Variants in MTHFD1L observed in about 807,000 individuals in gnomAD.
The protein encoded by MTHFD1L is monofunctional C1-tetrahydrofolate synthase, mitochondrial.
In MTHFD1L, 81 loss-of-function variants were observed where a neutral mutation model predicts 119.5. The ratio of observed to expected loss-of-function variants is 0.68; its 90% CI spans 0.57 to 0.82. MTHFD1L has a LOEUF of 0.82. Among genes scored for constraint, MTHFD1L ranks in the 40% least tolerant of loss-of-function variants. MTHFD1L has a pLI of 0.00. For missense variants in MTHFD1L, 1,125 were observed against 1,253.4 expected (o/e 0.90, Z 1.55); for synonymous variants, 430 against 475.2 (o/e 0.90, Z 1.24).
intron 10 of MTHFD1L, among the ~76,000 whole-genome samples, chr6:150,925,161 G>T (rs141326221): frequency 1.3e-5 from 2 of 152,178 alleles, no homozygotes; most frequent in Non-Finnish European, 2.9e-5. Flanking sequence ...TCTGCCCACC[G>T]CAAGGAGGCA....
chr6:150,975,793 A>G (rs942697493), intron 20 of MTHFD1L, among the ~76,000 whole-genome samples: 3 of 152,080 alleles, frequency 2.0e-5, no homozygotes, highest in East Asian at 1.9e-4. Context: ...ACGTCCTCAC[A>G]CTTTTGGCAG....
chr6:151,043,329 A>G (rs1470597053), intron 26 of MTHFD1L, among the ~76,000 whole-genome samples: 1 of 125,034 alleles, frequency 8.0e-6, no homozygotes, highest in Non-Finnish European at 1.6e-5. Context: ...CAGTAGCATG[A>G]TCTCGGCTCA....
Position 150,936,891 on chromosome 6 carries a change from C to G in MTHFD1L, c.1344C>G (p.Ser448=). The G allele has an allele frequency of 6.2e-7, 1 of 1,614,194 alleles. No homozygotes were observed. Among genetic ancestry groups the G allele is most frequent in the Non-Finnish European group, 8.5e-7 (1 of 1,180,036 alleles). The change falls in exon 12 of 28, where the codon TCC becomes TCG. Residue 448 remains serine (S), a synonymous_variant. Transcript: ENST00000367321. ...TGACCGCACACCTGAATGTCAACTC[C>G]TTTGCCTGCTTGAGGCAGCCTTCCC... ...QALTAHLNVN[S]FACLRQPSQG... is the part of the protein sequence containing the mutation.
chr6:150,971,577 C>T (rs1258001735), intron 19 of MTHFD1L, among the ~76,000 whole-genome samples: 1 of 151,866 alleles, frequency 6.6e-6, no homozygotes, highest in Non-Finnish European at 1.5e-5. Flanking sequence ...CCTTTTATAC[C>T]ATCAGGGTTT....
intron 4 of MTHFD1L, among the ~76,000 whole-genome samples, chr6:150,879,243 G>T (rs1421660242): frequency 1.3e-5 from 2 of 152,174 alleles, no homozygotes; most frequent in Non-Finnish European, 2.9e-5. Context: ...GCATGCAAAG[G>T]AAGTTGTTGT....
chr6:150,915,074 A>G (rs1787624858), intron 8 of MTHFD1L, among the ~76,000 whole-genome samples: 1 of 152,194 alleles, frequency 6.6e-6, no homozygotes. Flanking sequence ...GACACTTTCA[A>G]AGAGTTTGTT....
chr6:151,044,226 A>C (rs1238564696), intron 26 of MTHFD1L, among the ~76,000 whole-genome samples: 3 of 151,608 alleles, frequency 2.0e-5, no homozygotes, highest in Non-Finnish European at 2.9e-5. Flanking sequence ...GTCTTCCTGT[A>C]ACTCCTTCAC....
intron 27 of MTHFD1L, chr6:151,099,830 A>G (rs1052687353): frequency 5.6e-6 from 9 of 1,601,490 alleles, no homozygotes; most frequent in African/African-American, 2.7e-5. Flanking sequence ...ATCGCTCACA[A>G]TGTTTCCTCC....
intron 7 of MTHFD1L, among the ~76,000 whole-genome samples, chr6:150,893,211 A>T (rs940934174): frequency 2.0e-5 from 3 of 152,004 alleles, no homozygotes; most frequent in Admixed American, 6.6e-5. Context: ...ATTACAGGCG[A>T]GCACCACCAT....
intron 26 of MTHFD1L, among the ~76,000 whole-genome samples, chr6:151,055,257 C>T (rs190675675): frequency 2.6e-5 from 4 of 151,260 alleles, no homozygotes; most frequent in African/African-American, 9.7e-5. Flanking sequence ...GAGGGAGACT[C>T]CGTCTCAAGG....
chr6:150,950,948 C>A (rs565552720), intron 16 of MTHFD1L, among the ~76,000 whole-genome samples: 1 of 151,770 alleles, frequency 6.6e-6, no homozygotes, highest in South Asian at 2.1e-4. Context: ...GGATTACATG[C>A]GTGAGCCACT....
chr6:151,100,643 CT>C (rs201978471), intron 27 of MTHFD1L, among the ~76,000 whole-genome samples: 1,517 of 134,504 alleles, frequency 0.011, 5 homozygotes, highest in African/African-American at 0.018. Context: ...TGTTTTGTTT[CT>C]TTTTTTTTTT....
chr6:151,018,872 A>G (rs1292553581), intron 24 of MTHFD1L, among the ~76,000 whole-genome samples: 3 of 152,246 alleles, frequency 2.0e-5, no homozygotes, highest in African/African-American at 7.2e-5. Flanking sequence ...CATTTTTATG[A>G]GGCCATTTTG....
At chr6:151,073,932 A>G (rs1043243890) in intron 26 of MTHFD1L, among the ~76,000 whole-genome samples, 1 of 152,212 alleles carries the variant, frequency 6.6e-6, no homozygotes, top group Admixed American at 6.5e-5. Flanking sequence ...ACGTTTTCAA[A>G]TTTGATAGAA....
chr6:151,008,507 CAT>C (rs67619711), intron 20 of MTHFD1L, among the ~76,000 whole-genome samples: 33,115 of 151,986 alleles, frequency 0.22, 3,788 homozygotes, highest in Non-Finnish European at 0.25. Context: ...CAAGATTCCA[CAT>C]GTCTTAGAGG....
rs116853030 is a variant in MTHFD1L, at chr6:150,975,732, C to T, written c.2125+3674C>T. On this transcript the variant is annotated intron_variant, in intron 20 of 27. Coordinates refer to ENST00000367321, the MANE Select transcript of MTHFD1L (RefSeq NM_015440.5). ...GCACTTGGGCTCGCCCTGGCCCCTC[C>T]TAGGTTGAAGCTTTGGCATGAAATG... 6.0e-3 allele frequency among the ~76,000 whole-genome samples: 907 copies of T among 152,280 alleles called. 32 individuals carry two copies. In the East Asian group the frequency reaches 0.099, roughly 17 times the overall value.
chr6:150,971,862 C>G (rs1798037245), intron 19 of MTHFD1L, 85 bp from the exon 20 acceptor site: 1 of 1,124,086 alleles, frequency 8.9e-7, no homozygotes, highest in African/African-American at 1.6e-5. Flanking sequence ...TAAAAGCTTT[C>G]CTACCCCATT....
intron 7 of MTHFD1L, among the ~76,000 whole-genome samples, chr6:150,894,440 G>T (rs1783876888): frequency 6.6e-6 from 1 of 152,140 alleles, no homozygotes; most frequent in Non-Finnish European, 1.5e-5. Flanking sequence ...AGACTACCAT[G>T]AGACAACGTT....
intron 1 of MTHFD1L, among the ~76,000 whole-genome samples, chr6:150,867,004 C>T (rs1303102732): frequency 1.3e-5 from 2 of 152,176 alleles, no homozygotes; most frequent in Admixed American, 6.5e-5. Context: ...ACATCCTCTT[C>T]CCTTTCCTTC....
Sources: allele counts gnomAD v4.1 joint callset (sites outside exome capture counted in the v4.1 genomes callset), GRCh38; gene constraint gnomAD v4.1.1; transcripts MANE v1.5; gene names NCBI Gene and HGNC (gene_info 2026-07-23, HGNC 2026-07-21).